The following DHRSX variants were observed in gnomAD, a reference collection of about 807,000 sequenced individuals.
DHRSX encodes the protein dehydrogenase/reductase X-linked.
DHRSX carries 31 observed loss-of-function variants against 34.0 expected under a neutral mutation model. The ratio of observed to expected loss-of-function variants is 0.91; its 90% CI spans 0.69 to 1.23. The LOEUF (loss-of-function observed/expected upper bound fraction) is 1.23. Among genes scored for constraint, DHRSX ranks in the 50% most tolerant of loss-of-function variants. The pLI is 0.00. For missense variants in DHRSX, 414 were observed against 428.1 expected (o/e 0.97, Z 0.29); for synonymous variants, 201 against 183.8 (o/e 1.09, Z -0.76).
At chrX:2,263,512 CTTTT>C (rs775187535) in intron 5 of DHRSX, among the ~76,000 whole-genome samples, 6 of 130,450 alleles carry the variant, frequency 4.6e-5, no homozygotes, top group Non-Finnish European at 6.5e-5. Context: ...ATTTTTCTTT[CTTTT>C]TTTTTTTTTT....
chrX:2,246,808 G>A (rs192346504), intron 5 of DHRSX, among the ~76,000 whole-genome samples: 2 of 152,044 alleles, frequency 1.3e-5, no homozygotes, highest in East Asian at 3.9e-4. Flanking sequence ...TTTGACCTAA[G>A]GATCTGGAGA....
chrX:2,395,386 A>G (rs2043397022), intron 3 of DHRSX, among the ~76,000 whole-genome samples: 1 of 151,988 alleles, frequency 6.6e-6, no homozygotes, highest in African/African-American at 2.4e-5. Context: ...GCGCACCACA[A>G]AGGGGGCTTG....
At chrX:2,359,222 T>C (rs2042896427) in intron 3 of DHRSX, among the ~76,000 whole-genome samples, 1 of 152,078 alleles carries the variant, frequency 6.6e-6, no homozygotes, top group African/African-American at 2.4e-5. Context: ...AACAGAAATA[T>C]CATTCCACTC....
chrX:2,367,044 C>CAG (rs1169269052), intron 3 of DHRSX, among the ~76,000 whole-genome samples: 4 of 152,240 alleles, frequency 2.6e-5, no homozygotes, highest in Admixed American at 6.5e-5. Context: ...CCCCAGGCTT[C>CAG]AGTTAAGCCA....
At chrX:2,259,347 GATAT>G (rs1284851693) in intron 5 of DHRSX, among the ~76,000 whole-genome samples, 1 of 138,552 alleles carries the variant, frequency 7.2e-6, no homozygotes, top group African/African-American at 2.7e-5. Context: ...TATAGATATA[GATAT>G]ATAGATAGAT....
At chrX:2,440,233 C>A (rs2044045547) in intron 1 of DHRSX, among the ~76,000 whole-genome samples, 1 of 152,106 alleles carries the variant, frequency 6.6e-6, no homozygotes, top group African/African-American at 2.4e-5. Context: ...CAAGGTCTCA[C>A]TCTTTCACCC....
intron 3 of DHRSX, among the ~76,000 whole-genome samples, chrX:2,304,455 G>C (rs1274826589): frequency 6.6e-6 from 1 of 152,134 alleles, no homozygotes. Context: ...CCCAGTGCTG[G>C]AGGTGGACCC....
intron 3 of DHRSX, among the ~76,000 whole-genome samples, chrX:2,304,208 G>GATGGATAA (rs1569485893): frequency 3.3e-4 from 8 of 24,452 alleles, no homozygotes; most frequent in African/African-American, 1.2e-3. Flanking sequence ...TGGATAAATG[G>GATGGATAA]ATGGATGGAT....
intron 4 of DHRSX, among the ~76,000 whole-genome samples, chrX:2,277,122 G>A (rs1260995341): frequency 4.2e-3 from 119 of 28,074 alleles, no homozygotes; most frequent in South Asian, 0.015. Context: ...GAGGGCAAAC[G>A]AGAGAGGGAG....
chrX:2,283,949 CTCATTCCTT>C (rs2041768690), intron 4 of DHRSX, among the ~76,000 whole-genome samples: 1 of 144,868 alleles, frequency 6.9e-6, no homozygotes, highest in Non-Finnish European at 1.5e-5. Context: ...TTTGAATTCA[CTCATTCCTT>C]TGAATTCACT....
intron 1 of DHRSX, chrX:2,488,868 G>A: frequency 6.2e-7 from 1 of 1,613,196 alleles, no homozygotes; most frequent in Non-Finnish European, 8.5e-7. Context: ...AGACGCTCAG[G>A]GGCGACGCGC....
Position 2,367,774 on chromosome X carries a change from A to C in DHRSX, c.286+40971T>G, listed in dbSNP as rs761182366. Among the ~76,000 whole-genome samples, 15 of 152,340 alleles carry C rather than the reference A, an allele frequency of 9.8e-5. No individual in the cohort carries two copies. The South Asian group carries it at 3.1e-3, about 32-fold the overall frequency. ...TAATTTAGCAAAACATTATGATTTG[A>C]TACAACTGGATGGTGGGTACACAAA... On this transcript the variant is annotated intron_variant, in intron 3 of 6. Transcript: ENST00000334651.
intron 4 of DHRSX, among the ~76,000 whole-genome samples, chrX:2,268,968 TC>T (rs1230769264): frequency 2.0e-5 from 3 of 152,254 alleles, no homozygotes; most frequent in Non-Finnish European, 4.4e-5. Context: ...CACACACCTA[TC>T]CATTTGCATA....
chrX:2,235,537 G>A (rs1211585460), intron 6 of DHRSX, among the ~76,000 whole-genome samples: 2 of 151,512 alleles, frequency 1.3e-5, no homozygotes, highest in African/African-American at 4.9e-5. Flanking sequence ...AAGGTCAAGA[G>A]ATCAAGACCA....
chrX:2,457,925 G>A (rs2044331599), intron 1 of DHRSX, among the ~76,000 whole-genome samples: 1 of 151,666 alleles, frequency 6.6e-6, no homozygotes, highest in Non-Finnish European at 1.5e-5. Flanking sequence ...ATGTAGCCAA[G>A]GGACCGCCAC....
At chrX:2,383,143 T>A (rs1254094149) in intron 3 of DHRSX, among the ~76,000 whole-genome samples, 1 of 150,002 alleles carries the variant, frequency 6.7e-6, no homozygotes, top group African/African-American at 2.4e-5. Flanking sequence ...ATCACCATCA[T>A]GACCATCATC....
At chrX:2,484,652 C>T (rs998119427) in intron 1 of DHRSX, among the ~76,000 whole-genome samples, 8 of 152,100 alleles carry the variant, frequency 5.3e-5, no homozygotes, top group Admixed American at 3.3e-4. Context: ...AGGGGCATGG[C>T]GAGTTCATTT....
At chrX:2,226,448 C>T (rs1336291873) in intron 6 of DHRSX, among the ~76,000 whole-genome samples, 2 of 152,126 alleles carry the variant, frequency 1.3e-5, no homozygotes, top group Non-Finnish European at 2.9e-5. Context: ...GCATTTGTCT[C>T]TCTAATGCCA....
chrX:2,244,595 T>G (rs1000434491), intron 5 of DHRSX, among the ~76,000 whole-genome samples: 41 of 152,290 alleles, frequency 2.7e-4, no homozygotes, highest in Non-Finnish European at 2.9e-4. Flanking sequence ...CCTCTGGGGC[T>G]CCAAAGATGC....
Sources: allele counts gnomAD v4.1 joint callset (sites outside exome capture counted in the v4.1 genomes callset), GRCh38; gene constraint gnomAD v4.1.1; transcripts MANE v1.5; gene names NCBI Gene and HGNC (gene_info 2026-07-23, HGNC 2026-07-21).